FRMPD4: variants seen among roughly 807,000 people sequenced by gnomAD.
FRMPD4 encodes FERM and PDZ domain-containing protein 4.
In FRMPD4, 22 loss-of-function variants were observed where a neutral mutation model predicts 94.1. The ratio of observed to expected loss-of-function variants is 0.23; its 90% CI spans 0.17 to 0.33. FRMPD4 has a LOEUF of 0.33. Ranked by LOEUF, FRMPD4 falls within the 10% of genes least tolerant of loss-of-function variation. The pLI, the probability that FRMPD4 is intolerant of heterozygous loss-of-function variation, is 1.00. For missense variants in FRMPD4, 1,111 were observed against 1,339.9 expected (o/e 0.83, Z 2.67); for synonymous variants, 631 against 548.6 (o/e 1.15, Z -2.10).
chrX:12,152,673 A>T, intron 1 of FRMPD4, among the ~76,000 whole-genome samples: 1 of 111,400 alleles, frequency 9.0e-6, no homozygotes, highest in South Asian at 3.7e-4. Flanking sequence ...TATATTAAAG[A>T]TATGTATTAT....
At chrX:12,408,189 G>C (rs1478171194) in intron 1 of FRMPD4, among the ~76,000 whole-genome samples, 1 of 105,767 alleles carries the variant, frequency 9.5e-6, no homozygotes, top group Non-Finnish European at 1.9e-5. Context: ...GGATATGTAG[G>C]ACCATCGAAG....
chrX:12,591,963 C>G (rs1021816138), intron 2 of FRMPD4, among the ~76,000 whole-genome samples: 1 of 111,537 alleles, frequency 9.0e-6, no homozygotes, highest in African/African-American at 3.3e-5. Context: ...CTCTTTCTGT[C>G]CCGAAGAGAG....
intron 1 of FRMPD4, among the ~76,000 whole-genome samples, chrX:12,289,806 G>T (rs972040480): frequency 1.1e-4 from 12 of 111,774 alleles, no homozygotes; most frequent in Admixed American, 8.5e-4. Flanking sequence ...GTGCCTTCTT[G>T]CAGGTGTTGG....
chrX:11,910,558 C>T (rs770596016), intron 3 of FRMPD4, among the ~76,000 whole-genome samples: 49 of 111,007 alleles, frequency 4.4e-4, no homozygotes, highest in East Asian at 1.4e-3. Context: ...GAACTACAGG[C>T]GCGTGCCACC....
At chrX:11,993,200 T>C (rs2054474945) in intron 3 of FRMPD4, among the ~76,000 whole-genome samples, 2 of 111,068 alleles carry the variant, frequency 1.8e-5, no homozygotes, top group South Asian at 7.7e-4. Flanking sequence ...GCTACATCCC[T>C]ATATTAAGCA....
At chrX:12,517,187 C>T (rs1302109185) in intron 2 of FRMPD4, among the ~76,000 whole-genome samples, 1 of 111,144 alleles carries the variant, frequency 9.0e-6, no homozygotes. Flanking sequence ...TATTACCCAC[C>T]TTCTGAAGCC....
chrX:12,271,882 C>T (rs1446710930), intron 1 of FRMPD4, among the ~76,000 whole-genome samples: 5 of 112,058 alleles, frequency 4.5e-5, no homozygotes, highest in Non-Finnish European at 9.4e-5. Context: ...AGTTGAGTCA[C>T]AGATTGTGCA....
intron 1 of FRMPD4, among the ~76,000 whole-genome samples, chrX:12,451,197 C>CTT (rs1365880429): frequency 9.0e-6 from 1 of 111,533 alleles, no homozygotes; most frequent in African/African-American, 3.3e-5. Flanking sequence ...CGGATTCCCT[C>CTT]TTCTCATTGA....
At chrX:12,095,643 A>C (rs2055193126) in intron 3 of FRMPD4, among the ~76,000 whole-genome samples, 1 of 111,199 alleles carries the variant, frequency 9.0e-6, no homozygotes, top group South Asian at 3.9e-4. Context: ...ATCAGTTTGG[A>C]TACTTTTTGC....
At chrX:12,694,018 T>C (rs2060103491) in intron 8 of FRMPD4, among the ~76,000 whole-genome samples, 1 of 111,143 alleles carries the variant, frequency 9.0e-6, no homozygotes, top group Non-Finnish European at 1.9e-5. Context: ...TCTGCTGGGG[T>C]TCCCTGAGGA....
chrX:11,982,612 C>T (rs1393402171), intron 3 of FRMPD4, among the ~76,000 whole-genome samples: 2 of 111,302 alleles, frequency 1.8e-5, no homozygotes, highest in African/African-American at 3.3e-5. Flanking sequence ...CTCTTTGTCC[C>T]GTGGACTGTA....
At chrX:12,663,851 AT>A (rs753509660) in intron 4 of FRMPD4, among the ~76,000 whole-genome samples, 1 of 112,299 alleles carries the variant, frequency 8.9e-6, no homozygotes, top group Non-Finnish European at 1.9e-5. Flanking sequence ...ATGTTTTTCC[AT>A]TTGTTTGTGC....
At chrX:12,668,807 G>T (rs747751222) in intron 4 of FRMPD4, among the ~76,000 whole-genome samples, 1 of 110,301 alleles carries the variant, frequency 9.1e-6, no homozygotes, top group East Asian at 2.8e-4. Context: ...GTTTCACTAT[G>T]TTGGCCAGGC....
At chrX:12,573,384 A>G (rs1196819219) in intron 2 of FRMPD4, among the ~76,000 whole-genome samples, 2 of 112,202 alleles carry the variant, frequency 1.8e-5, no homozygotes, top group Non-Finnish European at 3.8e-5. Context: ...CTCAGAACAA[A>G]ATGAAGGATA....
At chrX:12,101,852 GAGTGAATAA>G (rs2055258573) in intron 3 of FRMPD4, among the ~76,000 whole-genome samples, 1 of 111,894 alleles carries the variant, frequency 8.9e-6, no homozygotes, top group South Asian at 3.7e-4. Context: ...TTGTGTGTGT[GAGTGAATAA>G]ATGTATGTTT....
chrX:12,148,623 G>T (rs181315128), intron 1 of FRMPD4, among the ~76,000 whole-genome samples: 21 of 112,627 alleles, frequency 1.9e-4, no homozygotes, highest in African/African-American at 6.1e-4. Flanking sequence ...ACACTAAACC[G>T]CAGATTTTCA....
chrX:12,206,102 T>A (rs1445302751), intron 1 of FRMPD4, among the ~76,000 whole-genome samples: 1 of 112,278 alleles, frequency 8.9e-6, no homozygotes, highest in African/African-American at 3.2e-5. Context: ...AAATCTGGTC[T>A]TTATCACTGT....
intron 3 of FRMPD4, among the ~76,000 whole-genome samples, chrX:11,955,777 G>C (rs1002683410): frequency 3.7e-5 from 4 of 108,452 alleles, no homozygotes; most frequent in Non-Finnish European, 7.6e-5. Flanking sequence ...AAAAGAATCA[G>C]CCAGACATAG....
intron 4 of FRMPD4, among the ~76,000 whole-genome samples, chrX:12,618,733 C>G (rs887412696): frequency 2.7e-5 from 3 of 111,470 alleles, no homozygotes; most frequent in African/African-American, 9.8e-5. Flanking sequence ...AATCTACTAA[C>G]TCCTGTTAGA....
Sources: gnomAD v4.1 joint callset for allele counts (sites outside exome capture counted in the v4.1 genomes callset) on GRCh38, gnomAD v4.1.1 for gene constraint, MANE v1.5 for transcripts, NCBI Gene and HGNC (gene_info 2026-07-23, HGNC 2026-07-21) for gene names.